The following DACH1 variants were observed in gnomAD, a reference collection of about 807,000 sequenced individuals.
DACH1 encodes the protein dachshund family transcription factor 1, also known as dachshund homolog 1.
DACH1 carries 12 observed loss-of-function variants against 54.2 expected under a neutral mutation model. That is an observed-to-expected ratio of 0.22 (90% CI 0.14 to 0.36). The LOEUF is 0.36. Among genes scored for constraint, DACH1 ranks in the 10% least tolerant of loss-of-function variants. The pLI is 1.00. For missense variants in DACH1, 805 were observed against 929.8 expected, an observed-to-expected ratio of 0.87 and a Z score of 1.75; for synonymous variants, 386 against 366.2, an observed-to-expected ratio of 1.05 and a Z score of -0.62.
At chr13:71,671,879 T>C (rs1007148468) in intron 2 of DACH1, among the ~76,000 whole-genome samples, 2 of 152,128 alleles carry the variant, frequency 1.3e-5, no homozygotes, top group Admixed American at 6.5e-5. Context: ...CGGAAGCCAA[T>C]GTAGACTTCT....
At chr13:71,631,482 G>A (rs1196863511) in intron 2 of DACH1, among the ~76,000 whole-genome samples, 4 of 152,130 alleles carry the variant, frequency 2.6e-5, no homozygotes, top group Non-Finnish European at 4.4e-5. Context: ...GGAAGCATGT[G>A]TTGCTACACA....
At chr13:71,734,975 C>T (rs1357337546) in intron 1 of DACH1, among the ~76,000 whole-genome samples, 6 of 89,448 alleles carry the variant, frequency 6.7e-5, no homozygotes, top group Non-Finnish European at 1.7e-4. Context: ...TATATACACA[C>T]ACAGGATATA....
intron 1 of DACH1, among the ~76,000 whole-genome samples, chr13:71,741,501 A>ACTT (rs1418917004): frequency 6.6e-6 from 1 of 152,162 alleles, no homozygotes; most frequent in Non-Finnish European, 1.5e-5. Flanking sequence ...CCTACAATCC[A>ACTT]CTTCTTTATT....
At chr13:71,517,896 A>G (rs2138273065) in intron 6 of DACH1, among the ~76,000 whole-genome samples, 1 of 152,044 alleles carries the variant, frequency 6.6e-6, no homozygotes, top group East Asian at 1.9e-4. Flanking sequence ...ATTCAGTGTA[A>G]TATAATTCAT....
intron 1 of DACH1, among the ~76,000 whole-genome samples, chr13:71,767,749 T>G (rs1885699182): frequency 6.6e-6 from 1 of 152,066 alleles, no homozygotes; most frequent in Non-Finnish European, 1.5e-5. Flanking sequence ...TTTTAGCTTG[T>G]TCTTCCCTCT....
At chr13:71,609,686 C>T (rs970471475) in intron 3 of DACH1, among the ~76,000 whole-genome samples, 4 of 151,900 alleles carry the variant, frequency 2.6e-5, no homozygotes, top group South Asian at 2.1e-4. Context: ...CCAACACGCC[C>T]GGCTAACTTT....
intron 1 of DACH1, among the ~76,000 whole-genome samples, chr13:71,854,352 C>T (rs1237806558): frequency 6.6e-6 from 1 of 151,836 alleles, no homozygotes; most frequent in African/African-American, 2.4e-5. Flanking sequence ...ATTTGGATGA[C>T]AAGGGTATGT....
In DACH1 at chr13:71,492,726, G is replaced by A. The variant is rs1421192772; in HGVS notation, c.1571-3578C>T. On this transcript the variant is annotated intron_variant, in intron 6 of 10. Transcript: ENST00000613252. Reference sequence around the variant, plus strand: ...CTCTCTCTGCTTCTCTCCCTCTCTTGTTCTGTGTGTGTGTGAGTGTGTGTG... The same window carrying A: ...CTCTCTCTGCTTCTCTCCCTCTCTTATTCTGTGTGTGTGTGAGTGTGTGTG... Among the ~76,000 whole-genome samples, 3 of 147,102 alleles carry A rather than the reference G, an allele frequency of 2.0e-5. No individual in the cohort carries two copies. In the East Asian group the frequency reaches 6.0e-4, roughly 30 times the overall value.
chr13:71,846,868 G>T (rs182516017), intron 1 of DACH1, among the ~76,000 whole-genome samples: 1 of 152,146 alleles, frequency 6.6e-6, no homozygotes, highest in East Asian at 1.9e-4. Flanking sequence ...AGGTGACCAC[G>T]TACTTAAAAT....
intron 1 of DACH1, among the ~76,000 whole-genome samples, chr13:71,792,024 A>C (rs1886853616): frequency 6.6e-6 from 1 of 152,122 alleles, no homozygotes; most frequent in Admixed American, 6.6e-5. Flanking sequence ...ATGATGATGT[A>C]TGTCTTTGCA....
At chr13:71,559,982 G>A (rs998772741) in intron 4 of DACH1, 27 bp from the exon 5 acceptor site, 3 of 1,478,702 alleles carry the variant, frequency 2.0e-6, no homozygotes, top group East Asian at 2.5e-5. Context: ...GGGAAGGAGG[G>A]TAGAAAAGAT....
At chr13:71,581,500 C>T (rs1028346346) in intron 3 of DACH1, among the ~76,000 whole-genome samples, 3 of 152,112 alleles carry the variant, frequency 2.0e-5, no homozygotes, top group East Asian at 1.9e-4. Context: ...CGTGATCTGC[C>T]GCCTCGTCTT....
At chr13:71,734,984 T>C (rs1883947920) in intron 1 of DACH1, among the ~76,000 whole-genome samples, 1 of 149,292 alleles carries the variant, frequency 6.7e-6, no homozygotes. Context: ...ACACAGGATA[T>C]ATATATATAT....
At chr13:71,570,949 T>C (rs1765952600) in intron 4 of DACH1, among the ~76,000 whole-genome samples, 1 of 152,116 alleles carries the variant, frequency 6.6e-6, no homozygotes, top group Non-Finnish European at 1.5e-5. Flanking sequence ...TATTGCAAAA[T>C]AAAATAAATC....
chr13:71,663,121 T>G (rs907911977), intron 2 of DACH1, among the ~76,000 whole-genome samples: 6 of 151,976 alleles, frequency 3.9e-5, no homozygotes, highest in African/African-American at 1.4e-4. Context: ...AATATTTTAC[T>G]TATTTGGAAA....
At chr13:71,463,224 G>A (rs1017780852) in intron 10 of DACH1, among the ~76,000 whole-genome samples, 1 of 151,846 alleles carries the variant, frequency 6.6e-6, no homozygotes. Flanking sequence ...CATTTATTGT[G>A]TAACTGATTT....
intron 3 of DACH1, among the ~76,000 whole-genome samples, chr13:71,595,263 C>T (rs1874012328): frequency 6.6e-6 from 1 of 151,904 alleles, no homozygotes; most frequent in Non-Finnish European, 1.5e-5. Flanking sequence ...GAAAGGGAAT[C>T]AGAGTAGAGA....
intron 2 of DACH1, among the ~76,000 whole-genome samples, chr13:71,640,097 G>A (rs751384267): frequency 1.3e-5 from 2 of 151,810 alleles, no homozygotes; most frequent in African/African-American, 4.8e-5. Flanking sequence ...ATCCCAATTC[G>A]CCTTACTCCC....
intron 1 of DACH1, among the ~76,000 whole-genome samples, chr13:71,788,084 G>GTATGTT (rs1457000627): frequency 2.0e-5 from 3 of 152,174 alleles, no homozygotes; most frequent in Non-Finnish European, 4.4e-5. Flanking sequence ...ATGTGTATGT[G>GTATGTT]TGGGTGGGTT....
Sources: gnomAD v4.1 joint callset for allele counts (sites outside exome capture counted in the v4.1 genomes callset) on GRCh38, gnomAD v4.1.1 for gene constraint, MANE v1.5 for transcripts, NCBI Gene and HGNC (gene_info 2026-07-23, HGNC 2026-07-21) for gene names.